The following NAV3 variants were observed in gnomAD, a reference collection of about 807,000 sequenced individuals.
NAV3 encodes the protein pore membrane and/or filament interacting like protein 1.
Under a neutral mutation model 244.7 loss-of-function variants are expected in NAV3, and 87 were observed. That is an observed-to-expected ratio of 0.36 (90% CI 0.30 to 0.42). The LOEUF is 0.42. Ranked by LOEUF, NAV3 falls within the 20% of genes least tolerant of loss-of-function variation. NAV3 has a pLI of 1.00. For missense variants in NAV3, 2,663 were observed against 2,893.3 expected, an observed-to-expected ratio of 0.92 and a Z score of 1.83; for synonymous variants, 1,126 against 1,042.2, an observed-to-expected ratio of 1.08 and a Z score of -1.55.
At chr12:78,097,447 A>G (rs934563612) in intron 12 of NAV3, among the ~76,000 whole-genome samples, 11 of 152,136 alleles carry the variant, frequency 7.2e-5, no homozygotes, top group African/African-American at 2.4e-4. Flanking sequence ...TGGGATGTGA[A>G]TCTCTTGGCA....
intron 2 of NAV3, among the ~76,000 whole-genome samples, chr12:77,659,988 C>T (rs1456029221): frequency 1.3e-5 from 2 of 151,448 alleles, no homozygotes; most frequent in African/African-American, 2.4e-5. Flanking sequence ...AGGGATAGCA[C>T]TGGGAGATAT....
chr12:77,998,386 C>A lies in NAV3; in HGVS notation c.790C>A (p.Gln264Lys), dbSNP rs751404552. The A allele has an allele frequency of 1.2e-6, 2 of 1,611,722 alleles. No individual in the cohort carries two copies. The highest frequency in any genetic ancestry group is 1.3e-5 in the African/African-American group (1 of 74,758). ...VPAAGSSSKVQGASNLNRRSQ... is the reference protein window; with the variant it reads ...VPAAGSSSKVKGASNLNRRSQ... ...TGCTGCAGGAAGCAGCAGCAAGGTC[C>A]AGGGAGCCTCTAATTTAAATAGGAG... The change falls in exon 7 of 40, where the codon CAG (glutamine) becomes AAG (lysine). Residue 264 changes from glutamine to lysine, a missense_variant. Around this residue, in one of 6 missense-constraint regions of NAV3, gnomAD observed 1,521 missense variants for 1,497.0 expected, o/e 1.02. Coordinates refer to ENST00000397909, the MANE Select transcript of NAV3 (RefSeq NM_001024383.2).
At chr12:77,721,896 C>T (rs531428085) in intron 2 of NAV3, among the ~76,000 whole-genome samples, 2 of 152,168 alleles carry the variant, frequency 1.3e-5, no homozygotes, top group African/African-American at 4.8e-5. Flanking sequence ...ATAGGCTTTT[C>T]TGATTCAGGA....
rs375688738 is a variant in NAV3 at position 77,928,158 on chromosome 12, G to A, written c.244-12161G>A. ...GAATTGCTTGAATCAGGGAGGTAGA[G>A]GTTGTAGTGAGCCGAGACTGCGCCA... On this transcript the variant is annotated intron_variant, in intron 1 of 39. Transcript: ENST00000397909. Among the ~76,000 whole-genome samples the A allele has an allele frequency of 1.0e-4, 15 of 144,652 alleles. No homozygotes were observed. In the East Asian group the frequency reaches 1.7e-3, roughly 16 times the overall value. The allele number at this position is 144,652 out of a possible 152,430, so 94.9% of individuals were successfully genotyped here. A position where few individuals can be genotyped will look rare whatever the true frequency, so the allele number is the denominator to read the frequency against.
intron 1 of NAV3, 86 bp downstream of exon 1, chr12:77,831,790 G>A (rs1482297883): frequency 2.7e-5 from 38 of 1,427,814 alleles, no homozygotes; most frequent in Non-Finnish European, 3.4e-5. Flanking sequence ...TATGAAATGG[G>A]GAGTAGTAGA....
intron 2 of NAV3, among the ~76,000 whole-genome samples, chr12:77,805,562 G>A (rs1422369075): frequency 1.3e-5 from 2 of 152,116 alleles, no homozygotes; most frequent in African/African-American, 4.8e-5. Context: ...TGCTGGATTG[G>A]GTTTGCCAGT....
intron 2 of NAV3, among the ~76,000 whole-genome samples, chr12:77,760,704 G>A (rs1869417471): frequency 6.6e-6 from 1 of 152,122 alleles, no homozygotes; most frequent in Non-Finnish European, 1.5e-5. Flanking sequence ...TACAGGGTAG[G>A]CTTTAGTGTC....
At chr12:77,752,098 T>C (rs1341594442) in intron 2 of NAV3, among the ~76,000 whole-genome samples, 1 of 152,200 alleles carries the variant, frequency 6.6e-6, no homozygotes, top group Non-Finnish European at 1.5e-5. Flanking sequence ...CTGTGCGCTT[T>C]TCTGTGTGCC....
At chr12:77,644,923 C>G (rs1001403749) in intron 2 of NAV3, among the ~76,000 whole-genome samples, 3 of 152,024 alleles carry the variant, frequency 2.0e-5, no homozygotes, top group African/African-American at 7.2e-5. Flanking sequence ...AAAACCAGCA[C>G]AAGTAAGCAT....
intron 21 of NAV3, among the ~76,000 whole-genome samples, chr12:78,148,570 C>T (rs1364792150): frequency 6.6e-6 from 1 of 152,068 alleles, no homozygotes; most frequent in Non-Finnish European, 1.5e-5. Context: ...GGGTAAACTG[C>T]TCTTGAGTCA....
chr12:78,154,507 T>C (rs1305809197), intron 22 of NAV3, among the ~76,000 whole-genome samples: 2 of 151,096 alleles, frequency 1.3e-5, no homozygotes, highest in Non-Finnish European at 3.0e-5. Flanking sequence ...TAATTCTCTT[T>C]ACATATCTAT....
chr12:77,837,687 C>T (rs1229014712), intron 1 of NAV3, among the ~76,000 whole-genome samples: 2 of 152,092 alleles, frequency 1.3e-5, no homozygotes, highest in Non-Finnish European at 2.9e-5. Context: ...ATACTTCTTT[C>T]GGGGTTAGGG....
rs1956655418 is a variant in NAV3, at chr12:78,142,411, C to A, written c.4683+2077C>A. Among the ~76,000 whole-genome samples the A allele has an allele frequency of 2.0e-5, 3 of 151,746 alleles. No individual in the cohort carries two copies. The South Asian group carries it at 6.2e-4, about 31-fold the overall frequency. ...TATAGTAACTATGAACCATATGTTG[C>A]CATTGATTATTTGAAGTATATCTGG... is the stretch of plus-strand genomic sequence containing the variant. On this transcript the variant is annotated intron_variant, in intron 20 of 39. Coordinates refer to ENST00000397909, the MANE Select transcript of NAV3 (RefSeq NM_001024383.2).
intron 12 of NAV3, among the ~76,000 whole-genome samples, chr12:78,103,666 AT>A (rs1417372470): frequency 3.3e-4 from 51 of 152,352 alleles, no homozygotes; most frequent in Admixed American, 3.3e-3. Context: ...AGGCTTCACA[AT>A]CATGGCAGGA....
At chr12:78,174,087 T>C (rs990231173) in intron 24 of NAV3, among the ~76,000 whole-genome samples, 2 of 151,686 alleles carry the variant, frequency 1.3e-5, no homozygotes, top group Admixed American at 1.3e-4. Context: ...TCCACTGAGA[T>C]TTTTTTGCTT....
intron 2 of NAV3, among the ~76,000 whole-genome samples, chr12:77,816,291 GT>G (rs370725654): frequency 4.6e-5 from 7 of 152,284 alleles, no homozygotes; most frequent in Middle Eastern, 3.4e-3. Context: ...GTAAATAAGT[GT>G]TTTAACTCAG....
chr12:77,945,848 A>T (rs1208018178), intron 3 of NAV3, among the ~76,000 whole-genome samples: 2 of 151,852 alleles, frequency 1.3e-5, no homozygotes, highest in Non-Finnish European at 2.9e-5. Flanking sequence ...CCCGAGTTCA[A>T]GCAATTCTCC....
chr12:77,904,772 AC>A (rs1158697617), intron 1 of NAV3, among the ~76,000 whole-genome samples: 1 of 152,196 alleles, frequency 6.6e-6, no homozygotes, highest in Non-Finnish European at 1.5e-5. Flanking sequence ...TGCCAGATTC[AC>A]TTTAATTCTA....
At chr12:77,592,778 T>C (rs1336069964) in intron 2 of NAV3, among the ~76,000 whole-genome samples, 1 of 152,250 alleles carries the variant, frequency 6.6e-6, no homozygotes, top group East Asian at 1.9e-4. Flanking sequence ...CCAGGTTGTC[T>C]GTATATTGGG....
Sources: allele counts gnomAD v4.1 joint callset (sites outside exome capture counted in the v4.1 genomes callset), GRCh38; gene constraint gnomAD v4.1.1; regional missense constraint gnomAD v4.1.1; transcripts MANE v1.5; gene names NCBI Gene and HGNC (gene_info 2026-07-23, HGNC 2026-07-21).